The following PEX14 variants were observed in gnomAD, a reference collection of about 807,000 sequenced individuals.
PEX14 encodes peroxisomal membrane protein PEX14.
Under a neutral mutation model 49.5 loss-of-function variants are expected in PEX14, and 15 were observed. The observed-to-expected ratio is 0.30, with a 90% CI of 0.20 to 0.47. The LOEUF (loss-of-function observed/expected upper bound fraction) is 0.47, where lower values mean the gene tolerates loss of function less well. Ranked by LOEUF, PEX14 falls within the 20% of genes least tolerant of loss-of-function variation. The probability of loss-of-function intolerance (pLI) is 1.00; values close to 1 mark genes in which losing one functional copy is unlikely to be tolerated. For synonymous variants in PEX14, 210 were observed against 212.7 expected (o/e 0.99, Z 0.11); for missense variants, 398 against 494.8 (o/e 0.80, Z 1.86).
intron 2 of PEX14, among the ~76,000 whole-genome samples, chr1:10,517,930 C>G (rs1364219055): frequency 2.0e-5 from 3 of 152,056 alleles, no homozygotes; most frequent in South Asian, 2.1e-4. Context: ...GAAGTAAGTC[C>G]CAGGCAAATG....
At chr1:10,497,983 A>G (rs1641599047) in intron 2 of PEX14, among the ~76,000 whole-genome samples, 1 of 152,216 alleles carries the variant, frequency 6.6e-6, no homozygotes, top group African/African-American at 2.4e-5. Context: ...CCCCTTATTA[A>G]AAAAGTAAGT....
At chr1:10,621,912 C>T (rs1345858050) in intron 5 of PEX14, among the ~76,000 whole-genome samples, 1 of 152,168 alleles carries the variant, frequency 6.6e-6, no homozygotes. Context: ...GTCCTCTTTC[C>T]TATCTGGGCC....
rs1433094377 is a variant in PEX14 at position 10,629,822 on chromosome 1, G to A, written c.969G>A (p.Lys323=). Residue 323 remains lysine (K), a synonymous_variant, in exon 9 of 9, where the codon AAG becomes AAA. Transcript: ENST00000356607. This position sits in a 1 kb window ranked among gnomAD's most constrained non-coding sequence, Gnocchi z 8.5. ...VQGEEEKRED[K]EDEEDEEDDD... The stretch of plus-strand genomic sequence containing the variant: ...GCGAGGAGGAGAAGAGGGAGGACAA[G>A]GAGGACGAGGAGGATGAGGAGGATG... 1.3e-6 allele frequency: 2 copies of A among 1,596,608 alleles called. No individual in the cohort carries two copies. The highest frequency in any genetic ancestry group is 1.7e-6 in the Non-Finnish European group (2 of 1,166,916).
intron 3 of PEX14, among the ~76,000 whole-genome samples, chr1:10,598,795 TCTAGA>T (rs778002640): frequency 1.8e-4 from 27 of 152,354 alleles, no homozygotes; most frequent in African/African-American, 5.8e-4. Context: ...TCAGAAACGA[TCTAGA>T]CTAATTAGTC....
intron 1 of PEX14, among the ~76,000 whole-genome samples, chr1:10,483,644 T>C (rs1641320561): frequency 6.6e-6 from 1 of 151,742 alleles, no homozygotes; most frequent in East Asian, 1.9e-4. Context: ...TATTTTAGTT[T>C]AATATTGTAT....
intron 2 of PEX14, among the ~76,000 whole-genome samples, chr1:10,515,247 C>G (rs1338793160): frequency 2.0e-5 from 3 of 147,760 alleles, no homozygotes. Flanking sequence ...TTTTTTTTTT[C>G]TTCCAGAATC....
chr1:10,579,740 G>A (rs540491934), intron 3 of PEX14, among the ~76,000 whole-genome samples: 2 of 152,188 alleles, frequency 1.3e-5, no homozygotes, highest in African/African-American at 2.4e-5. Flanking sequence ...GGCACTGGTG[G>A]GAGTGTAGCA....
intron 4 of PEX14, among the ~76,000 whole-genome samples, chr1:10,614,145 C>T (rs1217914529): frequency 6.6e-6 from 1 of 152,204 alleles, no homozygotes; most frequent in Non-Finnish European, 1.5e-5. Context: ...AATGTTTTTG[C>T]AGTAGCCTGG....
intron 3 of PEX14, among the ~76,000 whole-genome samples, chr1:10,581,704 CTT>C (rs1640325369): frequency 6.7e-6 from 1 of 150,058 alleles, no homozygotes; most frequent in Non-Finnish European, 1.5e-5. Context: ...TTGTGTTAAA[CTT>C]ATAAAATAAT....
chr1:10,509,013 T>C (rs1308553843), intron 2 of PEX14, among the ~76,000 whole-genome samples: 1 of 151,800 alleles, frequency 6.6e-6, no homozygotes, highest in Admixed American at 6.6e-5. Context: ...CTCGGCTCAC[T>C]GCAAACACCG....
At chr1:10,489,377 T>C (rs900899495) in intron 1 of PEX14, among the ~76,000 whole-genome samples, 2 of 152,226 alleles carry the variant, frequency 1.3e-5, no homozygotes, top group Non-Finnish European at 2.9e-5. Context: ...AAAGCTTTTT[T>C]CTTCTGTGCA....
At chr1:10,612,945 G>A (rs2124624403) in intron 4 of PEX14, among the ~76,000 whole-genome samples, 1 of 152,352 alleles carries the variant, frequency 6.6e-6, no homozygotes, top group African/African-American at 2.4e-5. Flanking sequence ...TTCTACCACT[G>A]CCTTGCCCAT....
chr1:10,576,839 C>T (rs1467706216), intron 3 of PEX14, among the ~76,000 whole-genome samples: 1 of 151,774 alleles, frequency 6.6e-6, no homozygotes, highest in East Asian at 2.0e-4. Flanking sequence ...ACACTGCAAC[C>T]TCTGCTTCCC....
chr1:10,542,233 A>G (rs1474291703), intron 3 of PEX14, among the ~76,000 whole-genome samples: 1 of 152,184 alleles, frequency 6.6e-6, no homozygotes, highest in Non-Finnish European at 1.5e-5. Flanking sequence ...AGAGGATGCT[A>G]CAGTTTCTTA....
At chr1:10,596,471 C>T (rs997798056) in intron 3 of PEX14, among the ~76,000 whole-genome samples, 25 of 152,078 alleles carry the variant, frequency 1.6e-4, no homozygotes, top group African/African-American at 6.0e-4. Flanking sequence ...ATGAGAGTGG[C>T]GGGGTAGGGA....
chr1:10,536,435 C>T (rs115417780), intron 3 of PEX14, 138 bp downstream of exon 3: 4 of 704,440 alleles, frequency 5.7e-6, no homozygotes, highest in Admixed American at 2.1e-5. Context: ...GGGGCTGAGG[C>T]GAACCCCCCA....
rs188920240 is a variant in PEX14 at position 10,574,263 on chromosome 1, C to A, written c.170-24975C>A. On this transcript the variant is annotated intron_variant, in intron 3 of 8. Transcript: ENST00000356607. Reference sequence around the variant, plus strand: ...ATGAATGAGTCTTAAAGAATTCTGTCAAAGAAGCCAGATATAAAAGAATAC... The same window carrying A: ...ATGAATGAGTCTTAAAGAATTCTGTAAAAGAAGCCAGATATAAAAGAATAC... Among the ~76,000 whole-genome samples the A allele has an allele frequency of 4.6e-5, 7 of 152,264 alleles. No homozygotes were observed. In the East Asian group the frequency reaches 1.2e-3, roughly 25 times the overall value.
At position 10,518,962 on chromosome 1, in the gene PEX14, CCGTGTGCTTGT is replaced by C. The variant is rs1261817374; in HGVS notation, c.85-17246_85-17236del. Among the ~76,000 whole-genome samples, 37 of 152,068 alleles carry C rather than the reference CCGTGTGCTTGT, an allele frequency of 2.4e-4. 1 individual carries two copies. The highest frequency in any genetic ancestry group is 8.5e-4 in the African/African-American group (35 of 41,390). On this transcript the variant is annotated intron_variant, in intron 2 of 8. Transcript: ENST00000356607. ...AGAAAGTGAGGGAGTGTGTTTCTTG[CCGTGTGCTTGT>C]CGTGGTAGTGGTGGAGTTGGAGAGG...
rs982045558 is a variant in PEX14 at position 10,628,687 on chromosome 1, G to A, written c.678-844G>A. ...CATGGAATTTCTTGTTAGCGTTTAG[G>A]ATGCTGGTGAATAAAGCAGGCCGTG... is the stretch of plus-strand genomic sequence containing the variant. On this transcript the variant is annotated intron_variant, in intron 8 of 8. Transcript: ENST00000356607. This position sits in a 1 kb window ranked among gnomAD's most constrained non-coding sequence, Gnocchi z 4.5. Among the ~76,000 whole-genome samples, 3 of 152,248 alleles carry A rather than the reference G, an allele frequency of 2.0e-5. No individual in the cohort carries two copies. The highest frequency in any genetic ancestry group is 6.5e-5 in the Admixed American group (1 of 15,292).
Sources: allele counts gnomAD v4.1 joint callset (sites outside exome capture counted in the v4.1 genomes callset), GRCh38; gene constraint gnomAD v4.1.1; non-coding constraint Gnocchi (gnomAD v3.1); transcripts MANE v1.5; gene names NCBI Gene and HGNC (gene_info 2026-07-23, HGNC 2026-07-21).